The following SCARA3 variants were observed in gnomAD, a reference collection of about 807,000 sequenced individuals.
SCARA3 encodes scavenger receptor class A member 3, also known as cellular stress response gene protein.
In SCARA3, 39 loss-of-function variants were observed where a neutral mutation model predicts 47.0. The observed-to-expected ratio is 0.83, with a 90% CI of 0.64 to 1.08. The LOEUF is 1.08. Among genes scored for constraint, SCARA3 ranks in the 50% least tolerant of loss-of-function variants. The pLI is 0.00. For missense variants in SCARA3, 724 were observed against 792.3 expected, an observed-to-expected ratio of 0.91 and a Z score of 1.04; for synonymous variants, 356 against 334.1, an observed-to-expected ratio of 1.07 and a Z score of -0.71.
At position 27,672,331 on chromosome 8, in the gene SCARA3, C is replaced by T. The variant is rs1429282643; in HGVS notation, c.*980C>T. The T allele has an allele frequency of 2.0e-6, 2 of 985,348 alleles. No individual in the cohort carries two copies. The highest frequency in any genetic ancestry group is 6.2e-5 in the Admixed American group (1 of 16,260). 61.0% of individuals were successfully genotyped at this position (985,348 alleles called of 1,614,324 possible). ...ATCTGCATGGGGGCACTCTGCAGGC[C>T]CTGGAACATTGGGCCTGAGTGGAGA... On this transcript the variant is annotated 3_prime_UTR_variant, in exon 6 of 6. Transcript: ENST00000301904.
intron 3 of SCARA3, among the ~76,000 whole-genome samples, chr8:27,653,037 C>T (rs1409075337): frequency 1.3e-5 from 2 of 152,212 alleles, no homozygotes; most frequent in East Asian, 1.9e-4. Context: ...TGGCAAAAAT[C>T]CCAGGCCAGA....
At position 27,672,328 on chromosome 8, in the gene SCARA3, G is replaced by A. The variant is rs1802185646; in HGVS notation, c.*977G>A. ...TTCATCTGCATGGGGGCACTCTGCA[G>A]GCCCTGGAACATTGGGCCTGAGTGG... On this transcript the variant is annotated 3_prime_UTR_variant, in exon 6 of 6. Transcript: ENST00000301904. 4 of 985,376 alleles carry A rather than the reference G, an allele frequency of 4.1e-6. No homozygotes were observed. The African/African-American group carries it at 7.0e-5, about 17-fold the overall frequency. 61.0% of individuals were successfully genotyped at this position (985,376 alleles called of 1,614,324 possible).
the SCARA3 span, among the ~76,000 whole-genome samples, chr8:27,714,101 G>A: frequency 0.2 from 30,443 of 151,916 alleles, 3,142 homozygotes; most frequent in Middle Eastern, 0.23. Flanking sequence ...CTCCCCAGAA[G>A]GAGATGCCAG....
the SCARA3 span, among the ~76,000 whole-genome samples, chr8:27,712,551 A>T: frequency 8.3e-6 from 1 of 120,358 alleles, no homozygotes; most frequent in South Asian, 3.3e-4. Flanking sequence ...TGACAGAGCG[A>T]GACTCCGTCT....
the SCARA3 span, among the ~76,000 whole-genome samples, chr8:27,709,950 A>T: frequency 2.0e-5 from 3 of 152,160 alleles, no homozygotes; most frequent in Non-Finnish European, 4.4e-5. Flanking sequence ...ATTACAGAAA[A>T]TCAAAGAGAG....
chr8:27,726,696 G>A, the SCARA3 span, among the ~76,000 whole-genome samples: 8 of 151,872 alleles, frequency 5.3e-5, no homozygotes, highest in Non-Finnish European at 8.8e-5. Context: ...GCAAAACTCC[G>A]TCTCAAAAAA....
chr8:27,660,175 G>A (rs1360708636), intron 5 of SCARA3, among the ~76,000 whole-genome samples: 2 of 151,404 alleles, frequency 1.3e-5, no homozygotes, highest in Non-Finnish European at 1.5e-5. Flanking sequence ...TATTTATCAG[G>A]GTTCTCCAGA....
chr8:27,696,036 G>A, the SCARA3 span, among the ~76,000 whole-genome samples: 5 of 147,728 alleles, frequency 3.4e-5, no homozygotes, highest in Non-Finnish European at 7.5e-5. Flanking sequence ...TTTTTTTTTT[G>A]AGACAAGATT....
chr8:27,672,548 G>A lies in SCARA3; in HGVS notation c.*1197G>A, dbSNP rs1585301036. 1 of 985,758 alleles carries A rather than the reference G, an allele frequency of 1.0e-6. No individual in the cohort carries two copies. Among genetic ancestry groups the A allele is most frequent in the Middle Eastern group, 5.2e-4 (1 of 1,918 alleles). 61.1% of individuals were successfully genotyped at this position (985,758 alleles called of 1,614,324 possible). On this transcript the variant is annotated 3_prime_UTR_variant, in exon 6 of 6. Transcript: ENST00000301904. ...ACGGCTCTCCTGATCACAGCTGCAT[G>A]CCGACCTTGTCCCACCGGGACCCAC...
chr8:27,674,500 C>T (rs1252671588), downstream of SCARA3, among the ~76,000 whole-genome samples: 1 of 152,168 alleles, frequency 6.6e-6, no homozygotes, highest in Admixed American at 6.5e-5. Flanking sequence ...CTGTGTTCCT[C>T]TGTCCTGCAA....
downstream of SCARA3, among the ~76,000 whole-genome samples, chr8:27,675,562 G>T (rs1202020598): frequency 6.6e-6 from 1 of 152,216 alleles, no homozygotes; most frequent in East Asian, 1.9e-4. Flanking sequence ...GGCCAAGGCA[G>T]GTGGATCACT....
the SCARA3 span, among the ~76,000 whole-genome samples, chr8:27,693,616 A>G: frequency 9.9e-5 from 15 of 152,148 alleles, no homozygotes; most frequent in African/African-American, 3.6e-4. Flanking sequence ...TTACATAAAA[A>G]TCTTGGTCAG....
chr8:27,651,556 A>C lies in SCARA3; in HGVS notation c.155A>C (p.His52Pro). ...CSRCQKNLSL[H>P]TSVRILYLFL... Reference sequence around the variant, plus strand: ...CGCTGCCAGAAGAACCTATCTTTGCACACATCGGTGCGGATTCTTTACCTC... The same window carrying C: ...CGCTGCCAGAAGAACCTATCTTTGCCCACATCGGTGCGGATTCTTTACCTC... Residue 52 changes from histidine (H) to proline (P), a missense_variant, in exon 3 of 6, where the codon CAC (histidine) becomes CCC (proline). By Grantham distance (77) the His-to-Pro change is moderately conservative (BLOSUM62 -2). Transcript: ENST00000301904. 6.2e-7 allele frequency: 1 copy of C among 1,614,012 alleles called. No individual in the cohort carries two copies. The highest frequency in any genetic ancestry group is 8.5e-7 in the Non-Finnish European group (1 of 1,180,036).
At chr8:27,723,623 C>T in the SCARA3 span, among the ~76,000 whole-genome samples, 1 of 152,192 alleles carries the variant, frequency 6.6e-6, no homozygotes, top group Non-Finnish European at 1.5e-5. Context: ...CTTCCTGGCC[C>T]AGATGACGGA....
At chr8:27,723,371 T>G in the SCARA3 span, among the ~76,000 whole-genome samples, 4 of 152,294 alleles carry the variant, frequency 2.6e-5, 1 homozygote, top group South Asian at 8.3e-4. Flanking sequence ...TACAAAATTG[T>G]TCTAACTCTA....
chr8:27,634,156 A>G lies in SCARA3; in HGVS notation c.-45A>G. 1 of 1,449,514 alleles carries G rather than the reference A, an allele frequency of 6.9e-7. No individual in the cohort carries two copies. The allele number at this position is 1,449,514 out of a possible 1,614,324, so 89.8% of individuals were successfully genotyped here. A position where few individuals can be genotyped will look rare whatever the true frequency, so the allele number is the denominator to read the frequency against. ...GGCCGCCCGGCTCCACTACAGCTCC[A>G]GCCGCCTGCAGCGGGGCCCTCCTGA... On this transcript the variant is annotated 5_prime_UTR_variant, in exon 1 of 6. Transcript: ENST00000301904.
At chr8:27,719,307 C>T in the SCARA3 span, among the ~76,000 whole-genome samples, 25 of 152,238 alleles carry the variant, frequency 1.6e-4, no homozygotes, top group African/African-American at 5.8e-4. Flanking sequence ...CATGTTCTCA[C>T]ATGTAAGTAG....
the SCARA3 span, among the ~76,000 whole-genome samples, chr8:27,696,269 CAAAA>C: frequency 6.6e-6 from 1 of 152,178 alleles, no homozygotes; most frequent in African/African-American, 2.4e-5. Flanking sequence ...CTTGGCCTTC[CAAAA>C]TGCTGGGATT....
intron 3 of SCARA3, among the ~76,000 whole-genome samples, chr8:27,656,510 T>C (rs35603193): frequency 6.6e-6 from 1 of 152,040 alleles, no homozygotes; most frequent in Admixed American, 6.5e-5. Flanking sequence ...AATTTTTTTT[T>C]AATTTTTTTT....
Sources: gnomAD v4.1 joint callset for allele counts (sites outside exome capture counted in the v4.1 genomes callset) on GRCh38, gnomAD v4.1.1 for gene constraint, MANE v1.5 for transcripts, NCBI Gene and HGNC (gene_info 2026-07-23, HGNC 2026-07-21) for gene names.